CRTAC1: variants seen among roughly 807,000 people sequenced by gnomAD.
CRTAC1 encodes acidic secreted protein in cartilage.
Under a neutral mutation model 67.8 loss-of-function variants are expected in CRTAC1, and 37 were observed. The observed-to-expected ratio is 0.55, with a 90% confidence interval of 0.42 to 0.72. CRTAC1 has a LOEUF of 0.72. Ranked by LOEUF, CRTAC1 falls within the 30% of genes least tolerant of loss-of-function variation. CRTAC1 has a pLI of 0.00. For missense variants in CRTAC1, 780 were observed against 931.6 expected (o/e 0.84, Z 2.12); for synonymous variants, 348 against 371.0 (o/e 0.94, Z 0.71).
intron 2 of CRTAC1, among the ~76,000 whole-genome samples, chr10:97,959,176 C>T (rs1300906370): frequency 1.3e-5 from 2 of 152,262 alleles, no homozygotes; most frequent in East Asian, 3.9e-4. Context: ...GTCCCCATGA[C>T]CACCCCTAGA....
chr10:97,904,453 G>A (rs572495060), intron 7 of CRTAC1, among the ~76,000 whole-genome samples: 146 of 151,954 alleles, frequency 9.6e-4, no homozygotes, highest in South Asian at 1.7e-3. Flanking sequence ...ATGGAGTCTC[G>A]CTCTGTCACT....
chr10:98,000,986 G>A (rs535227792), intron 2 of CRTAC1, among the ~76,000 whole-genome samples: 1 of 152,250 alleles, frequency 6.6e-6, no homozygotes, highest in Non-Finnish European at 1.5e-5. Flanking sequence ...TCAAAGTTAA[G>A]TATGGTAAAG....
At chr10:97,898,593 T>C (rs1210611637) in intron 8 of CRTAC1, among the ~76,000 whole-genome samples, 1 of 152,130 alleles carries the variant, frequency 6.6e-6, no homozygotes, top group Non-Finnish European at 1.5e-5. Flanking sequence ...CTATGTGGAT[T>C]GTGTCAAAGA....
chr10:98,018,616 C>A (rs899774655), intron 1 of CRTAC1, among the ~76,000 whole-genome samples: 2 of 152,168 alleles, frequency 1.3e-5, no homozygotes, highest in Non-Finnish European at 2.9e-5. Context: ...TGGGGTCAGG[C>A]AGCTGTGGGG....
At chr10:97,866,874 CT>C (rs2050033862) in intron 14 of CRTAC1, 1 of 152,432 alleles carries the variant, frequency 6.6e-6, no homozygotes, top group Non-Finnish European at 1.5e-5. Flanking sequence ...AGGCCAACGA[CT>C]GCTTCTCTGC....
At chr10:97,945,078 G>C (rs1186995296) in intron 2 of CRTAC1, among the ~76,000 whole-genome samples, 2 of 152,212 alleles carry the variant, frequency 1.3e-5, no homozygotes, top group African/African-American at 4.8e-5. Context: ...AGTAGATAAT[G>C]ATGACCTATC....
chr10:97,944,662 T>C (rs936628313), intron 2 of CRTAC1, among the ~76,000 whole-genome samples: 2 of 152,228 alleles, frequency 1.3e-5, no homozygotes, highest in Non-Finnish European at 2.9e-5. Context: ...CCCCTTGAAT[T>C]TGGGCTGGCT....
rs546906978 is a variant in CRTAC1, at chr10:97,917,966, G to T, written c.559-310C>A. 7.2e-5 allele frequency among the ~76,000 whole-genome samples: 11 copies of T among 152,076 alleles called. No homozygotes were observed. In the East Asian group the frequency reaches 1.9e-3, roughly 27 times the overall value. On this transcript the variant is annotated intron_variant, in intron 4 of 14. Transcript: ENST00000370597. ...CTTTTTATAGACAATTTTCTAATGT[G>T]CCTCCCTCCAGCTGAGCTCTCTCCA...
intron 2 of CRTAC1, among the ~76,000 whole-genome samples, chr10:97,984,433 T>A (rs2051947519): frequency 6.6e-6 from 1 of 152,198 alleles, no homozygotes; most frequent in African/African-American, 2.4e-5. Context: ...GCCACATTAT[T>A]TGGAATAAGC....
At chr10:97,876,371 C>T (rs995164934) in intron 14 of CRTAC1, among the ~76,000 whole-genome samples, 5 of 152,322 alleles carry the variant, frequency 3.3e-5, no homozygotes, top group Admixed American at 6.5e-5. Flanking sequence ...AACCCAGACA[C>T]GCCAAGCCCA....
At chr10:97,929,863 G>A (rs1028499573) in intron 3 of CRTAC1, among the ~76,000 whole-genome samples, 1 of 152,184 alleles carries the variant, frequency 6.6e-6, no homozygotes, top group Non-Finnish European at 1.5e-5. Context: ...AAGTATAAAA[G>A]GCTTTATAAG....
Position 98,004,616 on chromosome 10 carries a change from G to A in CRTAC1, c.224+6522C>T, listed in dbSNP as rs138884280. Among the ~76,000 whole-genome samples the A allele has an allele frequency of 6.2e-3, 940 of 152,176 alleles. 6 individuals are homozygous for A. The highest frequency in any genetic ancestry group is 0.011 in the Non-Finnish European group (733 of 68,022). On this transcript the variant is annotated intron_variant, in intron 2 of 14. Coordinates refer to ENST00000370597, the MANE Select transcript of CRTAC1 (RefSeq NM_018058.7). The stretch of plus-strand genomic sequence containing the variant: ...ATATGTGTGTAAGGATGTACATGCA[G>A]TGTGGTGGAGTTTGCAATGGTCACA...
intron 2 of CRTAC1, among the ~76,000 whole-genome samples, chr10:97,990,927 G>A (rs1380057674): frequency 5.3e-5 from 8 of 151,872 alleles, no homozygotes; most frequent in Non-Finnish European, 4.4e-5. Context: ...TTAAACGACT[G>A]CTTTAAAAAT....
chr10:97,882,839 G>C lies in CRTAC1; in HGVS notation c.1633-11C>G. 1 of 1,614,118 alleles carries C rather than the reference G, an allele frequency of 6.2e-7. No individual in the cohort carries two copies. The highest frequency in any genetic ancestry group is 8.5e-7 in the Non-Finnish European group (1 of 1,179,970). ...GAATCCTTGGCCACACTGTAAGGTG[G>C]GCAGAAGCAGAGACATGAGTGAGTT... On this transcript the variant is annotated splice_polypyrimidine_tract_variant and intron_variant, in intron 12 of 14. Coordinates refer to ENST00000370597, the MANE Select transcript of CRTAC1 (RefSeq NM_018058.7).
chr10:97,896,880 G>T (rs2050467404), intron 9 of CRTAC1, 29 bp downstream of exon 9: 10 of 1,409,638 alleles, frequency 7.1e-6, no homozygotes, highest in Non-Finnish European at 9.8e-6. Context: ...AGGGGGCAGT[G>T]CAGGCCAGAT....
intron 12 of CRTAC1, among the ~76,000 whole-genome samples, chr10:97,883,488 C>T (rs936727680): frequency 2.6e-4 from 39 of 152,282 alleles, no homozygotes; most frequent in African/African-American, 8.7e-4. Flanking sequence ...TGTCAATCAA[C>T]CGTACTGATG....
At chr10:98,008,796 C>T (rs953178878) in intron 2 of CRTAC1, among the ~76,000 whole-genome samples, 10 of 151,900 alleles carry the variant, frequency 6.6e-5, no homozygotes, top group Non-Finnish European at 1.3e-4. Flanking sequence ...ACTTGGGGGG[C>T]GAGGAGGAGG....
rs1368853762 is a variant in CRTAC1, at chr10:98,029,285, T to C, written c.24+1164A>G. ...AATCGCTTATCTCTTCCCACATGAG[T>C]TCTCCCCTGACTCAAGAAAACACTA... On this transcript the variant is annotated intron_variant, in intron 1 of 14. Transcript: ENST00000370597. This position sits in a 1 kb window ranked among gnomAD's most constrained non-coding sequence, Gnocchi z 4.7. 6.6e-6 allele frequency among the ~76,000 whole-genome samples: 1 copy of C among 152,016 alleles called. No individual in the cohort carries two copies. The highest frequency in any genetic ancestry group is 1.5e-5 in the Non-Finnish European group (1 of 68,014).
chr10:97,979,053 G>A (rs1347400915), intron 2 of CRTAC1, among the ~76,000 whole-genome samples: 1 of 152,164 alleles, frequency 6.6e-6, no homozygotes, highest in Non-Finnish European at 1.5e-5. Context: ...GTGTGGATGT[G>A]TCTCAGTGGT....
Sources: gnomAD v4.1 joint callset for allele counts (sites outside exome capture counted in the v4.1 genomes callset) on GRCh38, gnomAD v4.1.1 for gene constraint, Gnocchi (gnomAD v3.1) non-coding constraint, MANE v1.5 for transcripts, NCBI Gene and HGNC (gene_info 2026-07-23, HGNC 2026-07-21) for gene names.